The following ANLN variants were observed in gnomAD, a reference collection of about 807,000 sequenced individuals.
ANLN encodes anillin.
A neutral mutation model predicts 135.1 loss-of-function variants in ANLN; 59 were observed. That is an observed-to-expected ratio of 0.44 (90% CI 0.35 to 0.54). ANLN has a LOEUF of 0.54. ANLN is among the 20% of genes least tolerant of loss of function. The probability of loss-of-function intolerance (pLI) is 0.00; values close to 1 mark genes in which losing one functional copy is unlikely to be tolerated. For synonymous variants in ANLN, 406 were observed against 456.4 expected (o/e 0.89, Z 1.41); for missense variants, 1,182 against 1,340.0 (o/e 0.88, Z 1.84).
chr7:36,442,704 TCA>T (rs573036151), intron 21 of ANLN, among the ~76,000 whole-genome samples: 286 of 152,220 alleles, frequency 1.9e-3, no homozygotes, highest in African/African-American at 6.6e-3. Context: ...TGATCTTGGC[TCA>T]CTGTAAGCTC....
At chr7:36,425,817 A>G in intron 18 of ANLN, 77 bp downstream of exon 18, 2 of 1,459,796 alleles carry the variant, frequency 1.4e-6, no homozygotes, top group Non-Finnish European at 1.9e-6. Context: ...TTGGTTAACC[A>G]TTTCTGAACC....
chr7:36,420,772 G>A (rs1787844185), intron 12 of ANLN, 28 bp downstream of exon 12: 4 of 1,611,796 alleles, frequency 2.5e-6, no homozygotes, highest in African/African-American at 1.3e-5. Context: ...AAGGGGCTTT[G>A]GAATGTTTCT....
chr7:36,414,020 G>A (rs1306863618), intron 7 of ANLN, among the ~76,000 whole-genome samples: 1 of 151,994 alleles, frequency 6.6e-6, no homozygotes, highest in Non-Finnish European at 1.5e-5. Flanking sequence ...ATAAAGTCAA[G>A]GGAAGAAAGA....
At chr7:36,414,708 A>T (rs895621476) in intron 7 of ANLN, among the ~76,000 whole-genome samples, 1 of 152,160 alleles carries the variant, frequency 6.6e-6, no homozygotes, top group Non-Finnish European at 1.5e-5. Context: ...GTTTTTAAAA[A>T]ATTTTTATGT....
chr7:36,410,442 G>C, intron 5 of ANLN, 72 bp from the exon 6 acceptor site: 1 of 1,344,454 alleles, frequency 7.4e-7, no homozygotes, highest in Non-Finnish European at 1.0e-6. Context: ...ATGTAGTTTA[G>C]AACTTTTTCC....
chr7:36,428,222 A>G, intron 20 of ANLN: 1 of 650,392 alleles, frequency 1.5e-6, no homozygotes, highest in African/African-American at 2.0e-5. Flanking sequence ...AATTTTTGTA[A>G]CTTTTTATTT....
intron 17 of ANLN, among the ~76,000 whole-genome samples, chr7:36,425,192 A>G (rs970660915): frequency 1.3e-5 from 2 of 152,064 alleles, no homozygotes; most frequent in Non-Finnish European, 2.9e-5. Flanking sequence ...GACTAACAGT[A>G]TAAGAAAGCC....
At chr7:36,409,141 T>C (rs143110305) in intron 5 of ANLN, among the ~76,000 whole-genome samples, 4 of 152,308 alleles carry the variant, frequency 2.6e-5, no homozygotes, top group Non-Finnish European at 5.9e-5. Context: ...TAGTCCCAAT[T>C]TTCTAAAGAC....
chr7:36,410,817 T>G, intron 6 of ANLN, 113 bp downstream of exon 6: 1 of 1,152,962 alleles, frequency 8.7e-7, no homozygotes, highest in South Asian at 1.5e-5. Context: ...CATCTTGGTT[T>G]TCTGTATCAC....
intron 7 of ANLN, 109 bp downstream of exon 7, chr7:36,411,275 A>C: frequency 1.2e-6 from 1 of 822,156 alleles, no homozygotes; most frequent in South Asian, 2.2e-5. Flanking sequence ...TTTTCCAATT[A>C]ACTCTGTCAC....
chr7:36,420,134 G>T (rs7777303), intron 10 of ANLN, 35 bp from the exon 11 acceptor site: 1 of 1,582,166 alleles, frequency 6.3e-7, no homozygotes, highest in East Asian at 2.2e-5. Flanking sequence ...TTATCATTTA[G>T]GATCAATGTT....
intron 20 of ANLN, among the ~76,000 whole-genome samples, chr7:36,427,646 GC>G (rs1238138458): frequency 2.6e-5 from 4 of 152,108 alleles, no homozygotes; most frequent in Non-Finnish European, 5.9e-5. Context: ...GAGCCACCTT[GC>G]CCGGCCAGCC....
chr7:36,419,155 G>T (rs1787767526), intron 9 of ANLN, 89 bp from the exon 10 acceptor site: 2 of 867,288 alleles, frequency 2.3e-6, no homozygotes, highest in African/African-American at 1.7e-5. Flanking sequence ...TTCCTATTTA[G>T]TAAGAATATG....
At chr7:36,452,092 A>G (rs1789266949) in intron 23 of ANLN, among the ~76,000 whole-genome samples, 1 of 152,236 alleles carries the variant, frequency 6.6e-6, no homozygotes, top group Non-Finnish European at 1.5e-5. Flanking sequence ...TCTGAAGGTT[A>G]TATTGGGAGT....
chr7:36,424,078 A>C, intron 15 of ANLN, 135 bp downstream of exon 15: 1 of 935,906 alleles, frequency 1.1e-6, no homozygotes, highest in Non-Finnish European at 1.5e-6. Flanking sequence ...CAAATAACCC[A>C]TCTTTCAATT....
At chr7:36,431,244 G>A (rs1218999441) in intron 20 of ANLN, among the ~76,000 whole-genome samples, 1 of 152,096 alleles carries the variant, frequency 6.6e-6, no homozygotes, top group Non-Finnish European at 1.5e-5. Flanking sequence ...TTGTGGATCG[G>A]TTTCAAATTT....
chr7:36,423,479 TAACA>T (rs1787961481), intron 14 of ANLN, among the ~76,000 whole-genome samples: 1 of 152,122 alleles, frequency 6.6e-6, no homozygotes, highest in South Asian at 2.1e-4. Context: ...AGTTTTGAAA[TAACA>T]AACCATAATT....
chr7:36,426,066 T>C, intron 19 of ANLN, 30 bp downstream of exon 19: 1 of 1,438,476 alleles, frequency 7.0e-7, no homozygotes, highest in Non-Finnish European at 9.3e-7. Flanking sequence ...TTTGAAACTT[T>C]AGAATAAGGT....
chr7:36,417,674 C>CTTT lies in ANLN; in HGVS notation c.1633+505_1633+507dup, dbSNP rs70977138. ...TGCAAGTCCAGGCCTCTCAAACTTC[C>CTTT]TTTTTTTTTTTTTTTTTTTTTTTGA... On this transcript the variant is annotated intron_variant, in intron 9 of 23. Coordinates refer to ENST00000265748, the MANE Select transcript of ANLN (RefSeq NM_018685.5). Among the ~76,000 whole-genome samples, 342 of 97,254 alleles carry CTTT rather than the reference C, an allele frequency of 3.5e-3. 1 individual carries two copies. Among genetic ancestry groups the CTTT allele is most frequent in the Middle Eastern group, 7.6e-3 (1 of 132 alleles). The allele number at this position is 97,254 out of a possible 152,430, so 63.8% of individuals were successfully genotyped here. A position where few individuals can be genotyped will look rare whatever the true frequency, so the allele number is the denominator to read the frequency against.
Sources: gnomAD v4.1 joint callset for allele counts (sites outside exome capture counted in the v4.1 genomes callset) on GRCh38, gnomAD v4.1.1 for gene constraint, MANE v1.5 for transcripts, NCBI Gene and HGNC (gene_info 2026-07-23, HGNC 2026-07-21) for gene names.